The following KCNN3 variants were observed in gnomAD, a reference collection of about 807,000 sequenced individuals.
KCNN3 encodes the protein small conductance calcium-activated potassium channel protein 3.
In KCNN3, 16 loss-of-function variants were observed where a neutral mutation model predicts 62.9. That is an observed-to-expected ratio of 0.25 (90% CI 0.17 to 0.39). The LOEUF (loss-of-function observed/expected upper bound fraction) is 0.39, where lower values mean the gene tolerates loss of function less well. Ranked by LOEUF, KCNN3 falls within the 10% of genes least tolerant of loss-of-function variation. The probability of loss-of-function intolerance (pLI) is 1.00; values close to 1 mark genes in which losing one functional copy is unlikely to be tolerated. For missense variants in KCNN3, 599 were observed against 949.4 expected (o/e 0.63, Z 4.85); for synonymous variants, 370 against 389.2 (o/e 0.95, Z 0.58).
intron 3 of KCNN3, among the ~76,000 whole-genome samples, chr1:154,765,628 C>CTTTTTTT: frequency 7.7e-6 from 1 of 129,728 alleles, no homozygotes. Flanking sequence ...TTTCTTTTTC[C>CTTTTTTT]TTTTTTTTTT....
chr1:154,822,804 C>A (rs1336193508), intron 1 of KCNN3, among the ~76,000 whole-genome samples: 1 of 152,188 alleles, frequency 6.6e-6, no homozygotes, highest in African/African-American at 2.4e-5. Context: ...GGAGAAGTAC[C>A]CTGATGGTCC....
chr1:154,771,492 G>A (rs1205804213), intron 3 of KCNN3, among the ~76,000 whole-genome samples: 2 of 152,182 alleles, frequency 1.3e-5, no homozygotes, highest in Non-Finnish European at 2.9e-5. Flanking sequence ...AGTGCTGCTG[G>A]TCTGTGAACC....
intron 3 of KCNN3, among the ~76,000 whole-genome samples, chr1:154,754,682 T>C (rs1055768158): frequency 2.6e-5 from 4 of 152,170 alleles, no homozygotes; most frequent in Non-Finnish European, 5.9e-5. Flanking sequence ...GTACCAACGA[T>C]GGCAGGGCAA....
chr1:154,799,226 C>G (rs1035539673), intron 2 of KCNN3, among the ~76,000 whole-genome samples: 1 of 152,076 alleles, frequency 6.6e-6, no homozygotes, highest in African/African-American at 2.4e-5. Flanking sequence ...CTAAAGCACA[C>G]TTTAAATAAT....
At chr1:154,867,702 T>C (rs1653004924) in intron 1 of KCNN3, among the ~76,000 whole-genome samples, 1 of 150,954 alleles carries the variant, frequency 6.6e-6, no homozygotes, top group Non-Finnish European at 1.5e-5. Flanking sequence ...AGCTACCCGA[T>C]GGCCAGCCCG....
At chr1:154,727,315 C>T (rs1026872646) in intron 4 of KCNN3, among the ~76,000 whole-genome samples, 4 of 152,238 alleles carry the variant, frequency 2.6e-5, no homozygotes, top group Admixed American at 2.6e-4. Context: ...CTGTCAGTAA[C>T]ATTTTTGGCT....
At chr1:154,762,135 T>G (rs1648048541) in intron 3 of KCNN3, among the ~76,000 whole-genome samples, 3 of 152,210 alleles carry the variant, frequency 2.0e-5, no homozygotes, top group Admixed American at 1.3e-4. Context: ...AGAAGAGGTT[T>G]GATGTAAATT....
At chr1:154,776,061 G>A (rs1401910352) in intron 2 of KCNN3, among the ~76,000 whole-genome samples, 1 of 152,202 alleles carries the variant, frequency 6.6e-6, no homozygotes, top group Non-Finnish European at 1.5e-5. Flanking sequence ...CCAGCGAGAC[G>A]GGAGGGTGCT....
At chr1:154,837,915 G>A (rs1014733624) in intron 1 of KCNN3, among the ~76,000 whole-genome samples, 5 of 152,226 alleles carry the variant, frequency 3.3e-5, no homozygotes, top group African/African-American at 9.6e-5. Flanking sequence ...GCTGTGTGCC[G>A]TGGGGAGCCA....
At chr1:154,800,836 C>G (rs904835633) in intron 2 of KCNN3, among the ~76,000 whole-genome samples, 1 of 152,198 alleles carries the variant, frequency 6.6e-6, no homozygotes, top group East Asian at 1.9e-4. Context: ...CTTGAGCTCA[C>G]GAGTTTGAGA....
intron 3 of KCNN3, among the ~76,000 whole-genome samples, chr1:154,770,529 G>A (rs997658332): frequency 3.9e-5 from 6 of 152,124 alleles, no homozygotes; most frequent in Admixed American, 3.3e-4. Context: ...AATTAAGGGC[G>A]ACTACCAGGA....
At chr1:154,802,558 G>A (rs1359911124) in intron 2 of KCNN3, among the ~76,000 whole-genome samples, 2 of 152,200 alleles carry the variant, frequency 1.3e-5, no homozygotes, top group African/African-American at 2.4e-5. Context: ...GAAATCACCA[G>A]ATGGTAAGAA....
chr1:154,844,479 C>T (rs1243586679), intron 1 of KCNN3, among the ~76,000 whole-genome samples: 1 of 152,212 alleles, frequency 6.6e-6, no homozygotes, highest in South Asian at 2.1e-4. Context: ...GGTCACACAT[C>T]CTGTCAGGCC....
intron 2 of KCNN3, among the ~76,000 whole-genome samples, chr1:154,811,009 A>C (rs980609607): frequency 5.3e-5 from 8 of 152,244 alleles, no homozygotes; most frequent in African/African-American, 1.9e-4. Flanking sequence ...GGGGGTATGA[A>C]TACAGAGCCT....
rs538167150 is a variant in KCNN3, at chr1:154,714,820, A to T, written c.1829+56T>A. The T allele has an allele frequency of 1.1e-4, 173 of 1,608,924 alleles. No homozygotes were observed. In the African/African-American group the frequency reaches 2.1e-3, roughly 19 times the overall value. On this transcript the variant is annotated intron_variant, in intron 6 of 7. Coordinates refer to ENST00000271915, the MANE Select transcript of KCNN3 (RefSeq NM_002249.6). ...TCTGTGCTACTGACAGAGTTGTAGGAGTCCCGCCACTCCCAGTCTGGTCAT... is the reference window on the plus strand; with the variant it reads ...TCTGTGCTACTGACAGAGTTGTAGGTGTCCCGCCACTCCCAGTCTGGTCAT...
Position 154,845,069 on chromosome 1 carries a change from C to G in KCNN3, c.934-22885G>C, listed in dbSNP as rs1044968086. 5.2e-4 allele frequency among the ~76,000 whole-genome samples: 79 copies of G among 152,190 alleles called. 1 individual carries two copies. Among genetic ancestry groups the G allele is most frequent in the African/African-American group, 1.8e-3 (76 of 41,524 alleles). ...ACTCACCTAAGATCAAATCTAGGCTCTCTGTATTTTTTCCACTACACCAGG... is the reference window on the plus strand; with the variant it reads ...ACTCACCTAAGATCAAATCTAGGCTGTCTGTATTTTTTCCACTACACCAGG... On this transcript the variant is annotated intron_variant, in intron 1 of 7. Transcript: ENST00000271915.
chr1:154,767,921 A>G (rs967445151), intron 3 of KCNN3, among the ~76,000 whole-genome samples: 1 of 152,222 alleles, frequency 6.6e-6, no homozygotes, highest in African/African-American at 2.4e-5. Flanking sequence ...AACCAACCCA[A>G]GATATGAGAA....
At chr1:154,838,374 C>T (rs1361138179) in intron 1 of KCNN3, among the ~76,000 whole-genome samples, 1 of 152,152 alleles carries the variant, frequency 6.6e-6, no homozygotes, top group Non-Finnish European at 1.5e-5. Flanking sequence ...ACAAATCGTG[C>T]CATCCCACTC....
At chr1:154,812,691 C>T (rs1650466621) in intron 2 of KCNN3, among the ~76,000 whole-genome samples, 1 of 152,162 alleles carries the variant, frequency 6.6e-6, no homozygotes, top group Non-Finnish European at 1.5e-5. Context: ...AAACTTTAAG[C>T]TGTCTGACCA....
Sources: allele counts gnomAD v4.1 joint callset (sites outside exome capture counted in the v4.1 genomes callset), GRCh38; gene constraint gnomAD v4.1.1; transcripts MANE v1.5; gene names NCBI Gene and HGNC (gene_info 2026-07-23, HGNC 2026-07-21).